The following DSCAML1 variants were observed in gnomAD, a reference collection of about 807,000 sequenced individuals.
DSCAML1 encodes the protein cell adhesion molecule DSCAML1.
A neutral mutation model predicts 200.5 loss-of-function variants in DSCAML1; 38 were observed. The observed-to-expected ratio is 0.19, with a 90% CI of 0.15 to 0.25. DSCAML1 has a LOEUF of 0.25. Ranked by LOEUF, DSCAML1 falls within the 10% of genes least tolerant of loss-of-function variation. The probability of loss-of-function intolerance (pLI) is 1.00; values close to 1 mark genes in which losing one functional copy is unlikely to be tolerated. For synonymous variants in DSCAML1, 1,215 were observed against 1,165.0 expected (o/e 1.04, Z -0.87); for missense variants, 2,223 against 2,858.8 (o/e 0.78, Z 5.07).
intron 3 of DSCAML1, among the ~76,000 whole-genome samples, chr11:117,561,441 GCTCTGTGCGGCTAT>G (rs2050660516): frequency 6.6e-6 from 1 of 152,234 alleles, no homozygotes. Context: ...TCCTGCAGCA[GCTCTGTGCGGCTAT>G]GGGGATGAAA....
intron 3 of DSCAML1, among the ~76,000 whole-genome samples, chr11:117,749,159 C>T (rs1012573856): frequency 3.3e-5 from 5 of 152,290 alleles, no homozygotes; most frequent in African/African-American, 9.6e-5. Context: ...TCCTCCAGCC[C>T]CCTCTGCCCT....
upstream of DSCAML1, among the ~76,000 whole-genome samples, chr11:117,799,286 G>T (rs890483807): frequency 6.6e-6 from 1 of 152,172 alleles, no homozygotes; most frequent in Non-Finnish European, 1.5e-5. Context: ...AAAATAAACC[G>T]CTAAGGCAGA....
intron 3 of DSCAML1, among the ~76,000 whole-genome samples, chr11:117,722,225 C>T (rs1246198527): frequency 6.6e-6 from 1 of 151,830 alleles, no homozygotes. Context: ...AGGCTTATGT[C>T]CAGGGCTCCA....
At chr11:117,442,758 T>C (rs2048094406) in intron 21 of DSCAML1, among the ~76,000 whole-genome samples, 1 of 152,128 alleles carries the variant, frequency 6.6e-6, no homozygotes, top group African/African-American at 2.4e-5. Context: ...CTTCCCTTCC[T>C]GAAGAAGAGG....
chr11:117,587,511 C>T (rs564824427), intron 3 of DSCAML1, among the ~76,000 whole-genome samples: 1 of 152,254 alleles, frequency 6.6e-6, no homozygotes, highest in African/African-American at 2.4e-5. Context: ...ATTTCCCTCT[C>T]CCCTATCTCC....
rs529794656 is a variant in DSCAML1, at chr11:117,524,997, C to T, written c.745G>A (p.Ala249Thr). 16 of 1,610,708 alleles carry T rather than the reference C, an allele frequency of 9.9e-6. No individual in the cohort carries two copies. Among genetic ancestry groups the T allele is most frequent in the African/African-American group, 9.3e-5 (7 of 74,970 alleles). ...AGHTVELPCT[A>T]SGYPIPAIRW... ...ATGGCGGGGATAGGGTAGCCCGAGG[C>T]GGTGCAGGGCAGCTCCACGGTGTGG... Residue 249 changes from alanine to threonine, a missense_variant, in exon 5 of 33, where the codon GCC becomes ACC. Ala to Thr is a moderately conservative substitution (Grantham distance 58). This residue lies in a region of DSCAML1 where 579 missense variants were observed against 721.5 expected (regional missense o/e 0.80). Coordinates refer to ENST00000651296, the MANE Select transcript of DSCAML1 (RefSeq NM_020693.4).
At chr11:117,527,362 A>G (rs2049994984) in intron 4 of DSCAML1, among the ~76,000 whole-genome samples, 1 of 152,112 alleles carries the variant, frequency 6.6e-6, no homozygotes, top group Non-Finnish European at 1.5e-5. Context: ...TGCCCCTTCC[A>G]AGGGCAGTCA....
Position 117,428,284 on chromosome 11 carries a change from TGCGGC to T in DSCAML1, c.*39_*43del. ...AAACAGCCGAGCTGGCGTGTGGGGC[TGCGGC>T]GCGGCGCGGTCCAGGCGTGGCTGCT... On this transcript the variant is annotated 3_prime_UTR_variant, in exon 33 of 33. Coordinates refer to ENST00000651296, the MANE Select transcript of DSCAML1 (RefSeq NM_020693.4). 6.3e-6 allele frequency: 7 copies of T among 1,107,044 alleles called. No individual in the cohort carries two copies. Among genetic ancestry groups the T allele is most frequent in the Non-Finnish European group, 5.4e-6 (4 of 740,768 alleles). 68.6% of individuals were successfully genotyped at this position (1,107,044 alleles called of 1,614,324 possible).
At chr11:117,592,485 G>A (rs2051277410) in intron 3 of DSCAML1, among the ~76,000 whole-genome samples, 1 of 151,770 alleles carries the variant, frequency 6.6e-6, no homozygotes, top group Non-Finnish European at 1.5e-5. Flanking sequence ...TCTTTCTTTG[G>A]TGTCTCCTGT....
In DSCAML1 at chr11:117,516,431, G is replaced by C. The variant is rs745763320; in HGVS notation, c.1783+36C>G. 1 of 1,593,666 alleles carries C rather than the reference G, an allele frequency of 6.3e-7. No homozygotes were observed. The highest frequency in any genetic ancestry group is 8.6e-7 in the Non-Finnish European group (1 of 1,168,434). ...AAGGCCCACGCATCCTGGGTGGTCA[G>C]GCGGGCAGGGGCCCTGGCTGGTGAG... On this transcript the variant is annotated intron_variant, in intron 8 of 32. Coordinates refer to ENST00000651296, the MANE Select transcript of DSCAML1 (RefSeq NM_020693.4). This position sits in a 1 kb window ranked among gnomAD's most constrained non-coding sequence, Gnocchi z 5.7.
chr11:117,470,408 T>C (rs368328398), intron 15 of DSCAML1, among the ~76,000 whole-genome samples: 1 of 152,148 alleles, frequency 6.6e-6, no homozygotes, highest in East Asian at 1.9e-4. Flanking sequence ...ACCCTGTCTC[T>C]ACTAAAAATA....
Position 117,481,076 on chromosome 11 carries a change from T to C in DSCAML1, c.2656+98A>G, listed in dbSNP as rs543272227. The C allele has an allele frequency of 3.8e-4, 444 of 1,156,810 alleles. 2 individuals are homozygous for C. In the Admixed American group the frequency reaches 7.6e-3, roughly 20 times the overall value. 71.7% of individuals were successfully genotyped at this position (1,156,810 alleles called of 1,614,324 possible). ...GGCAGTTTCCTGTCATCCTCCACCA[T>C]GGCGTAGGCTGTGGCCCCTGCTCTT... On this transcript the variant is annotated intron_variant, in intron 13 of 32. Transcript: ENST00000651296.
At chr11:117,794,676 G>A (rs2055538338) in intron 1 of DSCAML1, among the ~76,000 whole-genome samples, 1 of 151,862 alleles carries the variant, frequency 6.6e-6, no homozygotes, top group East Asian at 1.9e-4. Flanking sequence ...GGGGTGACTG[G>A]CAACGGGAGA....
intron 1 of DSCAML1, among the ~76,000 whole-genome samples, chr11:117,793,141 C>T (rs944979981): frequency 6.6e-6 from 1 of 152,178 alleles, no homozygotes; most frequent in Non-Finnish European, 1.5e-5. Context: ...GGTGAGCATG[C>T]AAATCCATAT....
chr11:117,481,817 A>G (rs2048927475), intron 12 of DSCAML1, 146 bp downstream of exon 12: 2 of 788,852 alleles, frequency 2.5e-6, no homozygotes, highest in Admixed American at 2.3e-5. Flanking sequence ...GAGAGGGGAA[A>G]TAGGTGGGAA....
In DSCAML1 at chr11:117,486,354, C is replaced by G. The variant is rs112734937; in HGVS notation, c.2360-4192G>C. ...GTGAAAATGGCGGATGTGATAATGG[C>G]GGATGTGAAAGTGGCTGATGTGAAA... is the stretch of plus-strand genomic sequence containing the variant. On this transcript the variant is annotated intron_variant, in intron 11 of 32. Coordinates refer to ENST00000651296, the MANE Select transcript of DSCAML1 (RefSeq NM_020693.4). Among the ~76,000 whole-genome samples, 443 of 149,714 alleles carry G rather than the reference C, an allele frequency of 3.0e-3. 3 individuals carry two copies. Among genetic ancestry groups the G allele is most frequent in the Admixed American group, 7.0e-3 (105 of 15,028 alleles).
At chr11:117,486,879 G>T (rs1204776131) in intron 11 of DSCAML1, among the ~76,000 whole-genome samples, 6 of 53,978 alleles carry the variant, frequency 1.1e-4, no homozygotes, top group Non-Finnish European at 1.8e-4. Flanking sequence ...TTTCAAAAAT[G>T]TAGGAAGAAA....
chr11:117,678,927 C>A (rs2053264356), intron 3 of DSCAML1, among the ~76,000 whole-genome samples: 1 of 152,246 alleles, frequency 6.6e-6, no homozygotes, highest in African/African-American at 2.4e-5. Context: ...AGTGAGAGAG[C>A]AGAAATGCTA....
In DSCAML1 at chr11:117,680,873, G is replaced by T. The variant is rs7934405; in HGVS notation, c.511+95918C>A. 4.2e-3 allele frequency among the ~76,000 whole-genome samples: 639 copies of T among 152,322 alleles called. 6 individuals are homozygous for T. Among genetic ancestry groups the T allele is most frequent in the African/African-American group, 0.014 (602 of 41,562 alleles). ...AGTGAGAACAGCAGTGACAGCTGCG[G>T]TGACAACCCAGGGGAAGAAGATCTG... On this transcript the variant is annotated intron_variant, in intron 3 of 32. Coordinates refer to ENST00000651296, the MANE Select transcript of DSCAML1 (RefSeq NM_020693.4).
Sources: gnomAD v4.1 joint callset for allele counts (sites outside exome capture counted in the v4.1 genomes callset) on GRCh38, gnomAD v4.1.1 for gene constraint, gnomAD v4.1.1 regional missense constraint, Gnocchi (gnomAD v3.1) non-coding constraint, MANE v1.5 for transcripts, NCBI Gene and HGNC (gene_info 2026-07-23, HGNC 2026-07-21) for gene names.